Variants in TUNAR observed in about 807,000 individuals in gnomAD.
TUNAR encodes transmembrane neural differentiation associated intracellular calcium regulator, also known as protein TUNAR.
At position 95,922,774 on chromosome 14, in the gene TUNAR, A is replaced by G; in HGVS notation, c.13-7A>G. 5.0e-6 allele frequency: 2 copies of G among 398,998 alleles called. No homozygotes were observed. The highest frequency in any genetic ancestry group is 3.6e-5 in the East Asian group (1 of 28,072). 24.7% of individuals were successfully genotyped at this position (398,998 alleles called of 1,614,324 possible). On this transcript the variant is annotated splice_region_variant and splice_polypyrimidine_tract_variant and intron_variant, in intron 2 of 2. Transcript: ENST00000678517. Reference sequence around the variant, plus strand: ...TCATCTTTTGTGCTGCCTCTTTCCAATTACAGGTTAGCCTGGCAAGGAAGA... The same window carrying G: ...TCATCTTTTGTGCTGCCTCTTTCCAGTTACAGGTTAGCCTGGCAAGGAAGA...
rs139758535 is a variant in TUNAR, at chr14:95,897,679, G to A, written c.12+20502G>A. On this transcript the variant is annotated intron_variant, in intron 2 of 2. Transcript: ENST00000678517. ...CTGGGATGACCTTTTCTTCTCTGGA[G>A]ATCAATGCCAGAACCCCTAGACCAC... Among the ~76,000 whole-genome samples the A allele has an allele frequency of 1.4e-4, 21 of 152,306 alleles. No individual in the cohort carries two copies. In the East Asian group the frequency reaches 2.9e-3, roughly 21 times the overall value.
At chr14:95,903,317 A>G (rs1435798959) in intron 2 of TUNAR, among the ~76,000 whole-genome samples, 4 of 152,186 alleles carry the variant, frequency 2.6e-5, no homozygotes, top group Admixed American at 2.6e-4. Flanking sequence ...GCCCCTGGGA[A>G]GCAGTCAGCA....
chr14:95,909,615 G>A (rs1475130265), intron 2 of TUNAR, among the ~76,000 whole-genome samples: 1 of 152,178 alleles, frequency 6.6e-6, no homozygotes, highest in Non-Finnish European at 1.5e-5. Flanking sequence ...ATCCAGCTAG[G>A]TGGGCTGGGC....
At chr14:95,923,562 T>G (rs1352642315) in exon 3 of TUNAR, 1 of 152,226 alleles carries the variant, frequency 6.6e-6, no homozygotes, top group Non-Finnish European at 1.5e-5. Flanking sequence ...TGTGCTCTAT[T>G]TTTTAGCATG....
At chr14:95,915,527 TC>T (rs1299082875) in intron 2 of TUNAR, among the ~76,000 whole-genome samples, 1 of 152,146 alleles carries the variant, frequency 6.6e-6, no homozygotes, top group African/African-American at 2.4e-5. Context: ...ATTGACAGCC[TC>T]CATTAGGAAG....
At position 95,897,032 on chromosome 14, in the gene TUNAR, C is replaced by T. The variant is rs577896551; in HGVS notation, c.12+19855C>T. On this transcript the variant is annotated intron_variant, in intron 2 of 2. Coordinates refer to ENST00000678517, the Ensembl canonical transcript of TUNAR. ...ATATGTTTTTATTTCACAGTAAAAC[C>T]GTTTTTAAAAGTTAACACATGCACA... 2.8e-4 allele frequency among the ~76,000 whole-genome samples: 43 copies of T among 152,288 alleles called. 1 individual carries two copies. Among genetic ancestry groups the T allele is most frequent in the African/African-American group, 1.0e-3 (43 of 41,550 alleles).
intron 2 of TUNAR, among the ~76,000 whole-genome samples, chr14:95,912,962 C>T (rs1258428916): frequency 6.6e-6 from 1 of 151,880 alleles, no homozygotes; most frequent in Non-Finnish European, 1.5e-5. Flanking sequence ...GGCTAATTCT[C>T]TTGTATTTTT....
intron 2 of TUNAR, chr14:95,896,034 A>G (rs1035779755): frequency 6.6e-6 from 1 of 152,200 alleles, no homozygotes; most frequent in African/African-American, 2.4e-5. Context: ...ACTTGGTCGC[A>G]TATTTGTTAA....
chr14:95,885,042 T>C (rs796477004), intron 2 of TUNAR, among the ~76,000 whole-genome samples: 5 of 152,194 alleles, frequency 3.3e-5, no homozygotes, highest in African/African-American at 1.2e-4. Flanking sequence ...GCGAGCTGAG[T>C]GCGTAACTGG....
chr14:95,889,975 A>AC (rs1221110180), intron 2 of TUNAR, among the ~76,000 whole-genome samples: 1 of 152,032 alleles, frequency 6.6e-6, no homozygotes, highest in East Asian at 1.9e-4. Context: ...AAAAAAAAAA[A>AC]AACTGACAAA....
chr14:95,892,578 G>C (rs1186490901), intron 2 of TUNAR, among the ~76,000 whole-genome samples: 3 of 152,230 alleles, frequency 2.0e-5, no homozygotes, highest in Non-Finnish European at 1.5e-5. Flanking sequence ...AGACATTCGA[G>C]CTGGCCTGAT....
At chr14:95,916,260 G>A (rs994725886) in intron 2 of TUNAR, among the ~76,000 whole-genome samples, 7 of 152,148 alleles carry the variant, frequency 4.6e-5, no homozygotes, top group Admixed American at 1.3e-4. Context: ...CCACTACGTC[G>A]GCTTTGGGAT....
chr14:95,925,115 G>A (rs2139676403), exon 3 of TUNAR: 1 of 152,318 alleles, frequency 6.6e-6, no homozygotes, highest in East Asian at 1.9e-4. Flanking sequence ...CAGATGCTTT[G>A]GATACTTGGA....
intron 2 of TUNAR, among the ~76,000 whole-genome samples, chr14:95,881,493 T>A (rs1888976819): frequency 6.6e-6 from 1 of 152,154 alleles, no homozygotes; most frequent in Non-Finnish European, 1.5e-5. Context: ...AAGAACTGTT[T>A]CTCCTCCTCC....
At chr14:95,913,314 C>T (rs1215115741) in intron 2 of TUNAR, among the ~76,000 whole-genome samples, 1 of 152,080 alleles carries the variant, frequency 6.6e-6, no homozygotes, top group Non-Finnish European at 1.5e-5. Context: ...CTCTCCCTCC[C>T]CTTGTCCCCC....
At chr14:95,919,592 G>T (rs1414819806) in intron 2 of TUNAR, among the ~76,000 whole-genome samples, 1 of 152,030 alleles carries the variant, frequency 6.6e-6, no homozygotes, top group African/African-American at 2.4e-5. Context: ...GCACGCTGGT[G>T]GTACCAACTG....
intron 2 of TUNAR, among the ~76,000 whole-genome samples, chr14:95,921,476 C>T (rs1249526294): frequency 6.6e-6 from 1 of 152,230 alleles, no homozygotes; most frequent in African/African-American, 2.4e-5. Context: ...AAGGCTTTGG[C>T]TGCCCAGTCT....
Position 95,895,630 on chromosome 14 carries a change from T to C in TUNAR, c.12+18453T>C, listed in dbSNP as rs1200247677. Among the ~76,000 whole-genome samples the C allele has an allele frequency of 6.6e-6, 1 of 152,140 alleles. No homozygotes were observed. Among genetic ancestry groups the C allele is most frequent in the Non-Finnish European group, 1.5e-5 (1 of 68,004 alleles). Reference sequence around the variant, plus strand: ...GAATTTTACCAATGATTTAAAGCCCTTCCAAGGGCTTCCAGGGTCTCTGAT... The same window carrying C: ...GAATTTTACCAATGATTTAAAGCCCCTCCAAGGGCTTCCAGGGTCTCTGAT... On this transcript the variant is annotated intron_variant, in intron 2 of 2. Transcript: ENST00000678517. This position sits in a 1 kb window ranked among gnomAD's most constrained non-coding sequence, Gnocchi z 4.5.
Position 95,899,108 on chromosome 14 carries a change from G to C in TUNAR, c.12+21931G>C, listed in dbSNP as rs115701244. On this transcript the variant is annotated intron_variant, in intron 2 of 2. Coordinates refer to ENST00000678517, the Ensembl canonical transcript of TUNAR. ...CTTGTCCCACTTTGCTGATTGCATG[G>C]AGGCTGGCATCTCTTGGTAACTGGG... Among the ~76,000 whole-genome samples the C allele has an allele frequency of 7.2e-3, 1,090 of 152,270 alleles. 11 individuals are homozygous for C. Among genetic ancestry groups the C allele is most frequent in the African/African-American group, 0.025 (1,020 of 41,532 alleles).
Sources: allele counts gnomAD v4.1 joint callset (sites outside exome capture counted in the v4.1 genomes callset), GRCh38; gene constraint gnomAD v4.1.1; non-coding constraint Gnocchi (gnomAD v3.1); transcripts MANE v1.5; gene names NCBI Gene and HGNC (gene_info 2026-07-23, HGNC 2026-07-21).